The following RNLS variants were observed in gnomAD, a reference collection of about 807,000 sequenced individuals.
RNLS encodes renalase, FAD dependent amine oxidase.
In RNLS, 39 loss-of-function variants were observed where a neutral mutation model predicts 39.8. The ratio of observed to expected loss-of-function variants is 0.98; its 90% CI spans 0.76 to 1.28. The LOEUF (loss-of-function observed/expected upper bound fraction) is 1.28, where lower values mean the gene tolerates loss of function less well. RNLS is among the 50% of genes most tolerant of loss of function. RNLS has a pLI of 0.00. For synonymous variants in RNLS, 147 were observed against 150.7 expected (o/e 0.98, Z 0.18); for missense variants, 410 against 413.3 (o/e 0.99, Z 0.07).
chr10:88,235,088 C>T, the RNLS span, among the ~76,000 whole-genome samples: 4 of 151,604 alleles, frequency 2.6e-5, no homozygotes, highest in East Asian at 1.9e-4. Flanking sequence ...GGTGAAACCC[C>T]GTCTCTACTA....
intron 4 of RNLS, among the ~76,000 whole-genome samples, chr10:88,488,877 T>C (rs1204210282): frequency 1.3e-5 from 2 of 152,216 alleles, no homozygotes; most frequent in African/African-American, 4.8e-5. Flanking sequence ...AAATGAAATG[T>C]ATGCATCTGA....
chr10:88,259,391 C>A, the RNLS span: 2 of 152,154 alleles, frequency 1.3e-5, no homozygotes, highest in East Asian at 1.9e-4. Context: ...CATCACCATG[C>A]CAGGTAACTT....
At chr10:88,250,474 A>G in the RNLS span, among the ~76,000 whole-genome samples, 4 of 152,326 alleles carry the variant, frequency 2.6e-5, no homozygotes, top group African/African-American at 4.8e-5. Context: ...AGACAGGTAT[A>G]GAGAAGAGGG....
Position 88,456,919 on chromosome 10 carries a change from T to A in RNLS, c.527-94194A>T, listed in dbSNP as rs532788229. On this transcript the variant is annotated intron_variant, in intron 4 of 6. Transcript: ENST00000331772. ...TTCTTCACGGCCTTCTTGCACAATA[T>A]CAGTGGCTTTTAGAAGGATCGTATT... Among the ~76,000 whole-genome samples, 8 of 152,318 alleles carry A rather than the reference T, an allele frequency of 5.3e-5. No individual in the cohort carries two copies. In the South Asian group the frequency reaches 1.7e-3, roughly 32 times the overall value.
At chr10:88,341,731 C>T (rs1037638230) in intron 5 of RNLS, among the ~76,000 whole-genome samples, 1 of 152,096 alleles carries the variant, frequency 6.6e-6, no homozygotes, top group African/African-American at 2.4e-5. Flanking sequence ...GAGAGGAAGA[C>T]ACCCAGGTTT....
chr10:88,476,655 T>C (rs184782164), intron 4 of RNLS, among the ~76,000 whole-genome samples: 1 of 152,172 alleles, frequency 6.6e-6, no homozygotes, highest in Admixed American at 6.6e-5. Flanking sequence ...AAATATAAAC[T>C]ACCTCACTAA....
At chr10:88,355,720 C>T (rs1021328353) in intron 5 of RNLS, among the ~76,000 whole-genome samples, 2 of 152,112 alleles carry the variant, frequency 1.3e-5, no homozygotes, top group Non-Finnish European at 2.9e-5. Flanking sequence ...TCTGGGAGAA[C>T]CACTACTCTC....
chr10:88,507,484 A>G (rs902128682), intron 4 of RNLS, among the ~76,000 whole-genome samples: 2 of 152,110 alleles, frequency 1.3e-5, no homozygotes, highest in African/African-American at 4.8e-5. Flanking sequence ...TTCTTGAGCA[A>G]CTGTACTAAC....
intron 4 of RNLS, among the ~76,000 whole-genome samples, chr10:88,475,937 A>T (rs990762947): frequency 4.6e-5 from 7 of 152,190 alleles, no homozygotes; most frequent in Admixed American, 4.6e-4. Context: ...AGTTAAAAAT[A>T]GCAGAAAAAT....
At chr10:88,294,500 G>A (rs1306822303) in intron 6 of RNLS, among the ~76,000 whole-genome samples, 1 of 151,996 alleles carries the variant, frequency 6.6e-6, no homozygotes, top group Non-Finnish European at 1.5e-5. Context: ...AATTCAAAAT[G>A]TAATGTTCCT....
chr10:88,430,594 G>T (rs1564793412), intron 4 of RNLS, among the ~76,000 whole-genome samples: 2 of 151,754 alleles, frequency 1.3e-5, no homozygotes, highest in East Asian at 1.9e-4. Context: ...AAAGCATTTG[G>T]TTTTTTTACT....
the RNLS span, among the ~76,000 whole-genome samples, chr10:88,235,772 CATATAT>C: frequency 1.3e-3 from 193 of 150,906 alleles, no homozygotes; most frequent in Non-Finnish European, 2.4e-3. Flanking sequence ...CTTTATTTTT[CATATAT>C]ATATATAGAC....
At chr10:88,230,881 A>G in the RNLS span, among the ~76,000 whole-genome samples, 1 of 152,232 alleles carries the variant, frequency 6.6e-6, no homozygotes, top group African/African-American at 2.4e-5. Context: ...TTAGTTAAAT[A>G]TGAGGAAATC....
intron 4 of RNLS, among the ~76,000 whole-genome samples, chr10:88,444,834 T>G (rs984934250): frequency 6.6e-6 from 1 of 152,082 alleles, no homozygotes; most frequent in Non-Finnish European, 1.5e-5. Flanking sequence ...AAAGACCAAA[T>G]CTACGTCTGA....
intron 4 of RNLS, among the ~76,000 whole-genome samples, chr10:88,521,629 T>C (rs1458995230): frequency 6.6e-6 from 1 of 151,990 alleles, no homozygotes; most frequent in African/African-American, 2.4e-5. Context: ...CTGGCAACAA[T>C]TTGAAAGACA....
At chr10:88,312,514 A>G (rs1442751251) in intron 6 of RNLS, among the ~76,000 whole-genome samples, 1 of 152,188 alleles carries the variant, frequency 6.6e-6, no homozygotes, top group Non-Finnish European at 1.5e-5. Flanking sequence ...TACAACAACA[A>G]TAGGAAATAT....
chr10:88,568,186 C>T (rs1849622508), intron 4 of RNLS, among the ~76,000 whole-genome samples: 1 of 152,090 alleles, frequency 6.6e-6, no homozygotes, highest in South Asian at 2.1e-4. Flanking sequence ...TTTTCTGTTC[C>T]TGCATTAATT....
At chr10:88,548,647 CAT>C (rs146359996) in intron 4 of RNLS, among the ~76,000 whole-genome samples, 17 of 144,672 alleles carry the variant, frequency 1.2e-4, no homozygotes, top group African/African-American at 1.8e-4. Context: ...TCAAAATATA[CAT>C]ATATATATAT....
chr10:88,352,583 G>T (rs1848798923), intron 5 of RNLS, among the ~76,000 whole-genome samples: 1 of 152,192 alleles, frequency 6.6e-6, no homozygotes, highest in Admixed American at 6.5e-5. Context: ...TTTTTGATGT[G>T]CTGCTGGATT....
Sources: allele counts gnomAD v4.1 joint callset (sites outside exome capture counted in the v4.1 genomes callset), GRCh38; gene constraint gnomAD v4.1.1; transcripts MANE v1.5; gene names NCBI Gene and HGNC (gene_info 2026-07-23, HGNC 2026-07-21).